CYYR1: variants seen among roughly 807,000 people sequenced by gnomAD.
CYYR1 encodes the protein cysteine and tyrosine-rich protein 1.
A neutral mutation model predicts 15.2 loss-of-function variants in CYYR1; 14 were observed. The ratio of observed to expected loss-of-function variants is 0.92; its 90% CI spans 0.61 to 1.44. The LOEUF (loss-of-function observed/expected upper bound fraction) is 1.44, where lower values mean the gene tolerates loss of function less well. Ranked by LOEUF, CYYR1 falls within the 40% of genes most tolerant of loss-of-function variation. CYYR1 has a pLI of 0.00. For synonymous variants in CYYR1, 80 were observed against 77.4 expected, an observed-to-expected ratio of 1.03 and a Z score of -0.18; for missense variants, 228 against 209.5, an observed-to-expected ratio of 1.09 and a Z score of -0.54.
rs149648346 is a variant in CYYR1, at chr21:26,480,288, G to A, written c.318C>T (p.Thr106=). ...TTTGCTCACCAGGATAGGAGGAGAC[G>A]GTGTTGATGTGAGTCGTCCTGAGGA... ...VGILRTTHIN[T]VSSYPAGPPP... is the part of the protein sequence containing the mutation. The change falls in exon 3 of 4, where the codon ACC becomes ACT. Residue 106 remains threonine (T), a synonymous_variant. Transcript: ENST00000652641. The A allele has an allele frequency of 5.3e-5, 85 of 1,611,622 alleles. No homozygotes were observed. The African/African-American group carries it at 9.4e-4, about 18-fold the overall frequency.
chr21:26,473,117 G>A (rs1438220491), intron 3 of CYYR1, among the ~76,000 whole-genome samples: 1 of 151,776 alleles, frequency 6.6e-6, no homozygotes, highest in African/African-American at 2.4e-5. Flanking sequence ...GTATCTTTTT[G>A]TACCAGACAT....
intron 2 of CYYR1, among the ~76,000 whole-genome samples, chr21:26,534,936 AAT>A (rs2065976456): frequency 6.6e-6 from 1 of 152,192 alleles, no homozygotes; most frequent in Admixed American, 6.5e-5. Flanking sequence ...TTGCAAAGTA[AAT>A]ATAACTATTC....
intron 2 of CYYR1, among the ~76,000 whole-genome samples, chr21:26,548,459 G>A (rs1016125038): frequency 6.6e-6 from 1 of 152,222 alleles, no homozygotes; most frequent in Non-Finnish European, 1.5e-5. Context: ...CAATTCTCCT[G>A]TCTCAGCCTC....
intron 2 of CYYR1, among the ~76,000 whole-genome samples, chr21:26,554,638 T>TC (rs1397056617): frequency 6.6e-6 from 1 of 152,130 alleles, no homozygotes; most frequent in East Asian, 1.9e-4. Context: ...ACTCTCCTGT[T>TC]GATGAAGTCC....
intron 2 of CYYR1, among the ~76,000 whole-genome samples, chr21:26,500,438 G>A (rs1229425587): frequency 1.3e-5 from 2 of 152,156 alleles, no homozygotes; most frequent in Non-Finnish European, 2.9e-5. Flanking sequence ...AGTCTTTGTG[G>A]AGCGGATGAT....
chr21:26,530,850 T>C (rs1162681821), intron 2 of CYYR1, among the ~76,000 whole-genome samples: 1 of 152,194 alleles, frequency 6.6e-6, no homozygotes, highest in Non-Finnish European at 1.5e-5. Flanking sequence ...ATTTTCTTTA[T>C]CCAGTCTATC....
intron 2 of CYYR1, among the ~76,000 whole-genome samples, chr21:26,539,054 T>A (rs907832498): frequency 6.6e-6 from 1 of 152,130 alleles, no homozygotes; most frequent in Non-Finnish European, 1.5e-5. Flanking sequence ...ACAACTGTGA[T>A]TTTTATTGGT....
chr21:26,526,922 GT>G (rs1391231488), intron 2 of CYYR1, among the ~76,000 whole-genome samples: 2 of 152,208 alleles, frequency 1.3e-5, no homozygotes, highest in Non-Finnish European at 2.9e-5. Context: ...AGCACATGAT[GT>G]GTCCTCCAAA....
At chr21:26,507,221 A>T (rs1198633799) in intron 2 of CYYR1, among the ~76,000 whole-genome samples, 1 of 152,216 alleles carries the variant, frequency 6.6e-6, no homozygotes, top group African/African-American at 2.4e-5. Flanking sequence ...ACAGCATATT[A>T]TTGCAGTATT....
At chr21:26,483,530 G>C in intron 2 of CYYR1, 1 of 577,214 alleles carries the variant, frequency 1.7e-6, no homozygotes, top group Non-Finnish European at 2.2e-6. Context: ...TCTTTTCCTT[G>C]GGGCTATTCA....
At chr21:26,480,135 T>C (rs2065154932) in intron 3 of CYYR1, 137 bp downstream of exon 3, 3 of 864,162 alleles carry the variant, frequency 3.5e-6, no homozygotes, top group Middle Eastern at 3.8e-4. Context: ...AGCTAGAACT[T>C]CAATCTACAT....
At chr21:26,544,795 A>C (rs1262709962) in intron 2 of CYYR1, among the ~76,000 whole-genome samples, 1 of 152,080 alleles carries the variant, frequency 6.6e-6, no homozygotes, top group Non-Finnish European at 1.5e-5. Context: ...ATATTTAAAT[A>C]ATAAGAAAGG....
At chr21:26,535,216 A>G (rs1039876733) in intron 2 of CYYR1, among the ~76,000 whole-genome samples, 3 of 152,198 alleles carry the variant, frequency 2.0e-5, no homozygotes, top group African/African-American at 7.2e-5. Flanking sequence ...CAATATACCC[A>G]TGTAACAAAC....
At chr21:26,487,068 T>C (rs1384155636) in intron 2 of CYYR1, among the ~76,000 whole-genome samples, 1 of 152,086 alleles carries the variant, frequency 6.6e-6, no homozygotes, top group Non-Finnish European at 1.5e-5. Flanking sequence ...TTGATATCTA[T>C]ATTTGATACC....
intron 3 of CYYR1, among the ~76,000 whole-genome samples, chr21:26,469,734 G>A (rs2065011613): frequency 6.6e-6 from 1 of 152,042 alleles, no homozygotes. Flanking sequence ...CTATCTAGCT[G>A]TAATTTTATA....
intron 2 of CYYR1, among the ~76,000 whole-genome samples, chr21:26,490,303 A>C (rs2065310677): frequency 6.6e-6 from 1 of 152,036 alleles, no homozygotes; most frequent in Admixed American, 6.6e-5. Context: ...CTGTCTCAAA[A>C]AATTTAAAAA....
chr21:26,501,984 A>G (rs2065487306), intron 2 of CYYR1, among the ~76,000 whole-genome samples: 1 of 152,206 alleles, frequency 6.6e-6, no homozygotes, highest in African/African-American at 2.4e-5. Flanking sequence ...AAAAAGAAAT[A>G]TGAATAATAT....
At chr21:26,539,147 A>T (rs1210565488) in intron 2 of CYYR1, among the ~76,000 whole-genome samples, 1 of 152,174 alleles carries the variant, frequency 6.6e-6, no homozygotes, top group African/African-American at 2.4e-5. Flanking sequence ...TTCAGAAGTT[A>T]GTTTAAAATA....
chr21:26,550,385 T>C (rs999110436), intron 2 of CYYR1: 1 of 152,108 alleles, frequency 6.6e-6, no homozygotes, highest in African/African-American at 2.4e-5. Context: ...CAATGGCCTC[T>C]AAGAGTTAAA....
Sources: gnomAD v4.1 joint callset for allele counts (sites outside exome capture counted in the v4.1 genomes callset) on GRCh38, gnomAD v4.1.1 for gene constraint, MANE v1.5 for transcripts, NCBI Gene and HGNC (gene_info 2026-07-23, HGNC 2026-07-21) for gene names.